TMEM178B: variants seen among roughly 807,000 people sequenced by gnomAD.
TMEM178B encodes the protein transmembrane protein 178B.
Under a neutral mutation model 31.0 loss-of-function variants are expected in TMEM178B, and 5 were observed. The ratio of observed to expected loss-of-function variants is 0.16; its 90% confidence interval spans 0.08 to 0.34. The LOEUF (loss-of-function observed/expected upper bound fraction) is 0.34, where lower values mean the gene tolerates loss of function less well. TMEM178B is among the 10% of genes least tolerant of loss of function. The pLI is 1.00. For synonymous variants in TMEM178B, 164 were observed against 164.0 expected, an observed-to-expected ratio of 1.00 and a Z score of 0.00; for missense variants, 275 against 400.3, an observed-to-expected ratio of 0.69 and a Z score of 2.67.
chr7:141,458,423 A>G (rs1473163738), intron 3 of TMEM178B, among the ~76,000 whole-genome samples: 4 of 152,156 alleles, frequency 2.6e-5, no homozygotes, highest in Admixed American at 2.6e-4. Context: ...ACCAAGGAGG[A>G]TCTGTCTCAG....
intron 1 of TMEM178B, among the ~76,000 whole-genome samples, chr7:141,207,185 C>T (rs1796980616): frequency 1.3e-5 from 2 of 152,218 alleles, no homozygotes; most frequent in African/African-American, 2.4e-5. Flanking sequence ...ACAGCTTTCC[C>T]TTATCCTTCA....
At chr7:141,391,228 C>T (rs898399373) in intron 2 of TMEM178B, among the ~76,000 whole-genome samples, 4 of 151,994 alleles carry the variant, frequency 2.6e-5, no homozygotes, top group Non-Finnish European at 4.4e-5. Flanking sequence ...TGCAATGGTG[C>T]GATCTCGGCT....
At chr7:141,396,406 C>T (rs749550402) in intron 2 of TMEM178B, among the ~76,000 whole-genome samples, 1 of 152,238 alleles carries the variant, frequency 6.6e-6, no homozygotes, top group Non-Finnish European at 1.5e-5. Context: ...GCGCCCCATA[C>T]TTACTCTGCT....
At chr7:141,083,499 G>GAT (rs1794724155) in intron 1 of TMEM178B, among the ~76,000 whole-genome samples, 1 of 134,202 alleles carries the variant, frequency 7.5e-6, no homozygotes, top group African/African-American at 2.6e-5. Flanking sequence ...GGGAGAGAGA[G>GAT]AGAGAGACAG....
Position 141,150,975 on chromosome 7 carries a change from A to G in TMEM178B, c.383-61616A>G, listed in dbSNP as rs540081663. Among the ~76,000 whole-genome samples, 5 of 152,356 alleles carry G rather than the reference A, an allele frequency of 3.3e-5. No homozygotes were observed. In the South Asian group the frequency reaches 1.0e-3, roughly 32 times the overall value. On this transcript the variant is annotated intron_variant, in intron 1 of 3. Transcript: ENST00000565468. ...TGATTAAATGAAAATCCAAAAGGTCACGAAATAATACATCATTCATGAAAT... is the reference window on the plus strand; with the variant it reads ...TGATTAAATGAAAATCCAAAAGGTCGCGAAATAATACATCATTCATGAAAT...
chr7:141,269,499 A>G (rs1798147214), intron 2 of TMEM178B, among the ~76,000 whole-genome samples: 1 of 152,246 alleles, frequency 6.6e-6, no homozygotes. Context: ...TACCCCCACT[A>G]CTTTAGGGAT....
At chr7:141,281,265 G>T (rs973968354) in intron 2 of TMEM178B, among the ~76,000 whole-genome samples, 1 of 152,184 alleles carries the variant, frequency 6.6e-6, no homozygotes, top group African/African-American at 2.4e-5. Flanking sequence ...TAGTGCCTCA[G>T]GGATAGGCTT....
chr7:141,482,367 C>T (rs1004255705), downstream of TMEM178B, among the ~76,000 whole-genome samples: 3 of 152,240 alleles, frequency 2.0e-5, no homozygotes, highest in Non-Finnish European at 2.9e-5. Context: ...CATGCTGTGT[C>T]TCTCATGGTG....
intron 1 of TMEM178B, among the ~76,000 whole-genome samples, chr7:141,109,977 A>T (rs564771123): frequency 1.3e-5 from 2 of 152,270 alleles, no homozygotes; most frequent in African/African-American, 4.8e-5. Flanking sequence ...AAAGACTCTT[A>T]AGCAAAAATT....
rs372356390 is a variant in TMEM178B, at chr7:141,255,326, A to C, written c.496+42622A>C. ...ACTCTAGCCTTAAAGGAACAAGCGT[A>C]CTTTGCATGTTGTTATTTGACAAGA... On this transcript the variant is annotated intron_variant, in intron 2 of 3. Transcript: ENST00000565468. Among the ~76,000 whole-genome samples, 3 of 152,330 alleles carry C rather than the reference A, an allele frequency of 2.0e-5. No homozygotes were observed. The East Asian group carries it at 5.8e-4, about 29-fold the overall frequency.
intron 1 of TMEM178B, 124 bp from the exon 2 acceptor site, chr7:141,212,467 G>A: frequency 1.4e-6 from 1 of 713,942 alleles, no homozygotes; most frequent in South Asian, 1.7e-5. Context: ...TTGTCTTTCT[G>A]TAGTTGTCAC....
chr7:141,150,817 C>A (rs556323601), intron 1 of TMEM178B, among the ~76,000 whole-genome samples: 1 of 152,288 alleles, frequency 6.6e-6, no homozygotes, highest in East Asian at 1.9e-4. Flanking sequence ...AAGTCACATA[C>A]TTTTGGGGTG....
chr7:141,180,528 G>C (rs1796510384), intron 1 of TMEM178B, among the ~76,000 whole-genome samples: 1 of 150,390 alleles, frequency 6.6e-6, no homozygotes, highest in Non-Finnish European at 1.5e-5. Context: ...CCATGCAAAA[G>C]TATGTCATTT....
At chr7:141,401,300 A>T (rs1230487185) in intron 2 of TMEM178B, among the ~76,000 whole-genome samples, 1 of 152,272 alleles carries the variant, frequency 6.6e-6, no homozygotes, top group African/African-American at 2.4e-5. Context: ...AGGGAAAGGC[A>T]TTTAAAATAA....
chr7:141,159,963 CAAT>C (rs1796141240), intron 1 of TMEM178B, among the ~76,000 whole-genome samples: 1 of 148,588 alleles, frequency 6.7e-6, no homozygotes, highest in African/African-American at 2.5e-5. Flanking sequence ...AAAAATTGTT[CAAT>C]AATGGGGAAG....
In TMEM178B at chr7:141,188,580, A is replaced by G. The variant is rs574591270; in HGVS notation, c.383-24011A>G. Among the ~76,000 whole-genome samples, 3 of 152,330 alleles carry G rather than the reference A, an allele frequency of 2.0e-5. 1 individual carries two copies. Among genetic ancestry groups the G allele is most frequent in the African/African-American group, 7.2e-5 (3 of 41,574 alleles). On this transcript the variant is annotated intron_variant, in intron 1 of 3. Coordinates refer to ENST00000565468, the MANE Select transcript of TMEM178B (RefSeq NM_001195278.2). ...TCTAGCTTCCTGACTTCCAGTCCCAAACTTTTTTCCTGTATGTTCTACATC... is the reference window on the plus strand; with the variant it reads ...TCTAGCTTCCTGACTTCCAGTCCCAGACTTTTTTCCTGTATGTTCTACATC...
intron 1 of TMEM178B, among the ~76,000 whole-genome samples, chr7:141,175,872 T>C (rs1796425229): frequency 6.6e-6 from 1 of 152,148 alleles, no homozygotes; most frequent in Non-Finnish European, 1.5e-5. Context: ...GACAATGAAG[T>C]TTTCTAAATA....
intron 2 of TMEM178B, among the ~76,000 whole-genome samples, chr7:141,330,330 G>A (rs576086233): frequency 6.6e-6 from 1 of 152,252 alleles, no homozygotes; most frequent in East Asian, 1.9e-4. Flanking sequence ...CTGTGTCCAT[G>A]TGTTCTCATT....
chr7:141,187,835 G>A lies in TMEM178B; in HGVS notation c.383-24756G>A, dbSNP rs1456692644. On this transcript the variant is annotated intron_variant, in intron 1 of 3. Transcript: ENST00000565468. ...TTGTTTGAGTTCATTGTAGATTCTG[G>A]ATATTAGCCCTTTGTCAGATGAGTA... Among the ~76,000 whole-genome samples, 23 of 152,210 alleles carry A rather than the reference G, an allele frequency of 1.5e-4. No homozygotes were observed. In the East Asian group the frequency reaches 3.7e-3, roughly 24 times the overall value.
Sources: allele counts gnomAD v4.1 joint callset (sites outside exome capture counted in the v4.1 genomes callset), GRCh38; gene constraint gnomAD v4.1.1; transcripts MANE v1.5; gene names NCBI Gene and HGNC (gene_info 2026-07-23, HGNC 2026-07-21).